Variants in RRAS2 observed in about 807,000 individuals in gnomAD.
The protein encoded by RRAS2 is RAS related 2.
RRAS2 carries 7 observed loss-of-function variants against 27.6 expected under a neutral mutation model. The observed-to-expected ratio is 0.25, with a 90% confidence interval of 0.14 to 0.48. The LOEUF (loss-of-function observed/expected upper bound fraction) is 0.48, where lower values mean the gene tolerates loss of function less well. Ranked by LOEUF, RRAS2 falls within the 20% of genes least tolerant of loss-of-function variation. The probability of loss-of-function intolerance (pLI) is 0.99; values close to 1 mark genes in which losing one functional copy is unlikely to be tolerated. For synonymous variants in RRAS2, 86 were observed against 90.9 expected, an observed-to-expected ratio of 0.95 and a Z score of 0.31; for missense variants, 178 against 256.2, an observed-to-expected ratio of 0.69 and a Z score of 2.08.
intron 1 of RRAS2, among the ~76,000 whole-genome samples, chr11:14,340,932 A>C (rs1313260162): frequency 6.6e-6 from 1 of 152,182 alleles, no homozygotes; most frequent in African/African-American, 2.4e-5. Context: ...TCTTGTTCCA[A>C]GAACACAGAA....
At chr11:14,317,661 T>A (rs1388052318) in intron 1 of RRAS2, among the ~76,000 whole-genome samples, 2 of 152,208 alleles carry the variant, frequency 1.3e-5, no homozygotes, top group African/African-American at 4.8e-5. Context: ...AATTCAAAGG[T>A]AATTACTTTT....
intron 1 of RRAS2, among the ~76,000 whole-genome samples, chr11:14,319,610 A>G (rs1240968773): frequency 2.0e-5 from 3 of 152,108 alleles, no homozygotes; most frequent in African/African-American, 4.8e-5. Context: ...CACCCGCCTC[A>G]GCCTCCCAAA....
At position 14,339,772 on chromosome 11, in the gene RRAS2, T is replaced by C. The variant is rs549747811; in HGVS notation, c.108+18991A>G. Among the ~76,000 whole-genome samples, 87 of 152,326 alleles carry C rather than the reference T, an allele frequency of 5.7e-4. 1 individual carries two copies. The highest frequency in any genetic ancestry group is 1.0e-3 in the Non-Finnish European group (70 of 68,022). ...TAACATTTTGATATTTGAATTTAAATGTACTGGTTCCCCTTATAATCATAT... is the reference window on the plus strand; with the variant it reads ...TAACATTTTGATATTTGAATTTAAACGTACTGGTTCCCCTTATAATCATAT... On this transcript the variant is annotated intron_variant, in intron 1 of 5. Coordinates refer to ENST00000256196, the MANE Select transcript of RRAS2 (RefSeq NM_012250.6).
intron 1 of RRAS2, among the ~76,000 whole-genome samples, chr11:14,349,175 CAG>C (rs1355388081): frequency 6.7e-6 from 1 of 148,342 alleles, no homozygotes; most frequent in South Asian, 2.1e-4. Context: ...TTTTTAGAGA[CAG>C]AGTCTTGCTC....
chr11:14,315,747 C>A (rs548668401), intron 1 of RRAS2, among the ~76,000 whole-genome samples: 4 of 152,274 alleles, frequency 2.6e-5, no homozygotes, highest in Non-Finnish European at 2.9e-5. Context: ...AAAAAAACTA[C>A]ATGGCAGTCA....
At chr11:14,280,494 G>A (rs1453030789) in intron 5 of RRAS2, among the ~76,000 whole-genome samples, 1 of 151,986 alleles carries the variant, frequency 6.6e-6, no homozygotes, top group African/African-American at 2.4e-5. Flanking sequence ...TTGGGAGGCT[G>A]AGGCGGGTGG....
At chr11:14,282,320 G>C (rs1271696962) in intron 4 of RRAS2, among the ~76,000 whole-genome samples, 1 of 152,162 alleles carries the variant, frequency 6.6e-6, no homozygotes, top group Admixed American at 6.5e-5. Flanking sequence ...CCAAAACCTG[G>C]TACACAGGTG....
intron 1 of RRAS2, among the ~76,000 whole-genome samples, chr11:14,317,269 T>C (rs915337036): frequency 1.3e-5 from 2 of 152,192 alleles, no homozygotes; most frequent in Non-Finnish European, 1.5e-5. Context: ...CCTGTAAAGA[T>C]GCAGAATATC....
chr11:14,293,146 T>TATATATATATATAA (rs1847458635), intron 4 of RRAS2, among the ~76,000 whole-genome samples: 1 of 134,730 alleles, frequency 7.4e-6, no homozygotes, highest in Non-Finnish European at 1.6e-5. Flanking sequence ...TATATATATA[T>TATATATATATATAA]ATATATATAT....
At chr11:14,317,622 G>A (rs782601018) in intron 1 of RRAS2, among the ~76,000 whole-genome samples, 2 of 152,168 alleles carry the variant, frequency 1.3e-5, no homozygotes, top group Non-Finnish European at 2.9e-5. Context: ...AATTCATATT[G>A]ACATTTCACT....
chr11:14,364,422 T>C (rs1220596999), exon 1 of RRAS2: 1 of 1,535,446 alleles, frequency 6.5e-7, no homozygotes, highest in South Asian at 1.2e-5. Flanking sequence ...ATCCACTTAT[T>C]TCCTTAATGG....
intron 1 of RRAS2, among the ~76,000 whole-genome samples, chr11:14,303,520 T>C (rs1554947677): frequency 6.6e-6 from 1 of 152,172 alleles, no homozygotes; most frequent in African/African-American, 2.4e-5. Flanking sequence ...GAGGACTGCT[T>C]GAGCCCAGGA....
chr11:14,307,905 CTT>C (rs547877242), intron 1 of RRAS2, among the ~76,000 whole-genome samples: 440 of 152,120 alleles, frequency 2.9e-3, no homozygotes, highest in Middle Eastern at 0.01. Flanking sequence ...ATTCCAGAAA[CTT>C]ATCCTGCCGA....
chr11:14,358,074 C>A lies in RRAS2; in HGVS notation c.108+689G>T, dbSNP rs1464419506. Among the ~76,000 whole-genome samples the A allele has an allele frequency of 6.6e-6, 1 of 152,170 alleles. No homozygotes were observed. Among genetic ancestry groups the A allele is most frequent in the African/African-American group, 2.4e-5 (1 of 41,436 alleles). On this transcript the variant is annotated intron_variant, in intron 1 of 5. Coordinates refer to ENST00000256196, the MANE Select transcript of RRAS2 (RefSeq NM_012250.6). This position sits in a 1 kb window ranked among gnomAD's most constrained non-coding sequence, Gnocchi z 5.1. ...GCCCATCCCAAACTTCACCTAGGCA[C>A]GGCGAGAAGCAGGACGGCATCAGGA...
intron 1 of RRAS2, among the ~76,000 whole-genome samples, chr11:14,297,251 G>A (rs1193622531): frequency 6.6e-6 from 1 of 152,096 alleles, no homozygotes; most frequent in Non-Finnish European, 1.5e-5. Context: ...TTAATGCTAG[G>A]AACCAGCATC....
intron 1 of RRAS2, among the ~76,000 whole-genome samples, chr11:14,357,168 C>A (rs1204916586): frequency 1.3e-5 from 2 of 152,042 alleles, no homozygotes; most frequent in Non-Finnish European, 2.9e-5. Flanking sequence ...AACATGGGCT[C>A]AAATAATTCA....
rs1849434476 is a variant in RRAS2, at chr11:14,278,493, AT to A, written c.*843del. 2 of 152,260 alleles carry A rather than the reference AT, an allele frequency of 1.3e-5. No homozygotes were observed. Among genetic ancestry groups the A allele is most frequent in the Non-Finnish European group, 2.9e-5 (2 of 68,044 alleles). The allele number at this position is 152,260 out of a possible 1,614,324, so 9.4% of individuals were successfully genotyped here. ...ATAAAAGTATATAGCAAAAACATTA[AT>A]CATCTCTGACCCTGGAAAGATCAAT... is the stretch of plus-strand genomic sequence containing the variant. On this transcript the variant is annotated 3_prime_UTR_variant, in exon 6 of 6. Coordinates refer to ENST00000256196, the MANE Select transcript of RRAS2 (RefSeq NM_012250.6).
chr11:14,283,326 T>G (rs1435502205), intron 4 of RRAS2, among the ~76,000 whole-genome samples: 1 of 152,206 alleles, frequency 6.6e-6, no homozygotes, highest in African/African-American at 2.4e-5. Context: ...AATATTTTAT[T>G]AAGAATCTTT....
At chr11:14,347,690 C>T (rs182993984) in intron 1 of RRAS2, among the ~76,000 whole-genome samples, 1 of 152,174 alleles carries the variant, frequency 6.6e-6, no homozygotes, top group Non-Finnish European at 1.5e-5. Flanking sequence ...GTGGCTCACA[C>T]CTGTAGTGCC....
Sources: gnomAD v4.1 joint callset for allele counts (sites outside exome capture counted in the v4.1 genomes callset) on GRCh38, gnomAD v4.1.1 for gene constraint, Gnocchi (gnomAD v3.1) non-coding constraint, MANE v1.5 for transcripts, NCBI Gene and HGNC (gene_info 2026-07-23, HGNC 2026-07-21) for gene names.